NCKAP5: variants seen among roughly 807,000 people sequenced by gnomAD.
NCKAP5 encodes the protein NCK associated protein 5, also known as nck-associated protein 5.
Under a neutral mutation model 167.0 loss-of-function variants are expected in NCKAP5, and 92 were observed. That is an observed-to-expected ratio of 0.55 (90% confidence interval 0.47 to 0.66). NCKAP5 has a LOEUF of 0.66. Among genes scored for constraint, NCKAP5 ranks in the 30% least tolerant of loss-of-function variants. NCKAP5 has a pLI of 0.00. For synonymous variants in NCKAP5, 891 were observed against 877.4 expected (o/e 1.02, Z -0.27); for missense variants, 2,378 against 2,315.0 (o/e 1.03, Z -0.56).
At chr2:132,773,445 C>T (rs189183212) in intron 16 of NCKAP5, among the ~76,000 whole-genome samples, 53 of 152,304 alleles carry the variant, frequency 3.5e-4, no homozygotes, top group Admixed American at 2.2e-3. Flanking sequence ...TTTGCTACTA[C>T]GTGTAAAACA....
intron 5 of NCKAP5, among the ~76,000 whole-genome samples, chr2:133,170,205 T>C (rs2084182804): frequency 6.6e-6 from 1 of 152,126 alleles, no homozygotes; most frequent in Non-Finnish European, 1.5e-5. Flanking sequence ...CTTGTAAGGA[T>C]GGAAGGCAAG....
intron 3 of NCKAP5, among the ~76,000 whole-genome samples, chr2:133,321,325 T>C (rs1055023658): frequency 6.6e-6 from 1 of 152,154 alleles, no homozygotes; most frequent in Non-Finnish European, 1.5e-5. Context: ...ATTCTTGCTT[T>C]ATACCTACTC....
intron 3 of NCKAP5, among the ~76,000 whole-genome samples, chr2:133,345,894 G>A (rs1438282521): frequency 6.6e-6 from 1 of 152,110 alleles, no homozygotes; most frequent in Admixed American, 6.6e-5. Flanking sequence ...GCACAGAGAT[G>A]GAAGATGACT....
intron 4 of NCKAP5, among the ~76,000 whole-genome samples, chr2:133,293,991 G>A (rs1574625190): frequency 6.6e-6 from 1 of 152,118 alleles, no homozygotes; most frequent in Admixed American, 6.6e-5. Flanking sequence ...ACCTCAGCAG[G>A]GTGAATCAGG....
At chr2:133,368,158 C>T (rs956560666) in intron 3 of NCKAP5, among the ~76,000 whole-genome samples, 7 of 152,146 alleles carry the variant, frequency 4.6e-5, no homozygotes, top group African/African-American at 1.7e-4. Context: ...AACACATTTT[C>T]CAAGAAAAGG....
At chr2:133,502,444 T>C (rs1682608007) in intron 3 of NCKAP5, among the ~76,000 whole-genome samples, 2 of 152,250 alleles carry the variant, frequency 1.3e-5, no homozygotes, top group South Asian at 4.1e-4. Flanking sequence ...TTTGATGACT[T>C]TTCTCCTTCC....
intron 8 of NCKAP5, among the ~76,000 whole-genome samples, chr2:132,925,083 T>C (rs181443909): frequency 2.0e-5 from 3 of 152,146 alleles, no homozygotes; most frequent in Admixed American, 2.0e-4. Flanking sequence ...TCAACATTTT[T>C]GGCACCAAGG....
intron 6 of NCKAP5, among the ~76,000 whole-genome samples, chr2:133,006,626 A>T (rs10928439): frequency 0.058 from 7,024 of 121,250 alleles, 359 homozygotes; most frequent in East Asian, 0.38. Context: ...ATTTTATTTT[A>T]TTTTTTTTTT....
At chr2:132,977,969 A>G (rs573295711) in intron 7 of NCKAP5, among the ~76,000 whole-genome samples, 236 of 152,318 alleles carry the variant, frequency 1.5e-3, no homozygotes, top group African/African-American at 5.0e-3. Flanking sequence ...GTACATTCTG[A>G]CAAACCACTC....
chr2:133,287,090 A>C (rs1679200557), intron 4 of NCKAP5, among the ~76,000 whole-genome samples: 1 of 152,224 alleles, frequency 6.6e-6, no homozygotes, highest in South Asian at 2.1e-4. Flanking sequence ...AAGTATGAGA[A>C]ATGCCCTTTC....
At chr2:132,798,543 A>C (rs568288789) in intron 11 of NCKAP5, among the ~76,000 whole-genome samples, 2 of 152,354 alleles carry the variant, frequency 1.3e-5, no homozygotes, top group South Asian at 2.1e-4. Flanking sequence ...TGGATTAGCT[A>C]TCTAAATGAC....
intron 5 of NCKAP5, among the ~76,000 whole-genome samples, chr2:133,174,404 G>C (rs1469571190): frequency 6.6e-6 from 1 of 151,996 alleles, no homozygotes; most frequent in Non-Finnish European, 1.5e-5. Flanking sequence ...TTTTCTCCTT[G>C]TATTTAACAT....
chr2:133,034,260 C>T (rs1051904750), intron 6 of NCKAP5, among the ~76,000 whole-genome samples: 1 of 152,056 alleles, frequency 6.6e-6, no homozygotes, highest in African/African-American at 2.4e-5. Context: ...AATAGTATAT[C>T]CATTGAAAAT....
intron 17 of NCKAP5, 111 bp downstream of exon 17, chr2:132,731,626 C>A: frequency 8.5e-7 from 1 of 1,175,750 alleles, no homozygotes; most frequent in South Asian, 1.6e-5. Flanking sequence ...GGAATTTTCA[C>A]ATATCTACAT....
At chr2:133,378,360 A>G (rs1452701129) in intron 3 of NCKAP5, among the ~76,000 whole-genome samples, 1 of 152,160 alleles carries the variant, frequency 6.6e-6, no homozygotes, top group Non-Finnish European at 1.5e-5. Flanking sequence ...TACTCTCACA[A>G]ATTTTTTTCC....
intron 8 of NCKAP5, chr2:132,930,689 G>A (rs892025732): frequency 6.6e-6 from 1 of 152,294 alleles, no homozygotes. Flanking sequence ...ATTCCCATGT[G>A]AGCCAATTCC....
chr2:133,617,444 C>CT, the NCKAP5 span, among the ~76,000 whole-genome samples: 1 of 146,818 alleles, frequency 6.8e-6, no homozygotes, highest in African/African-American at 2.5e-5. Context: ...TGATAAGCAA[C>CT]TTCAGCAAAG....
At position 132,706,463 on chromosome 2, in the gene NCKAP5, C is replaced by T. The variant is rs556992522; in HGVS notation, c.5713+19164G>A. 3.9e-5 allele frequency among the ~76,000 whole-genome samples: 6 copies of T among 152,298 alleles called. No homozygotes were observed. In the East Asian group the frequency reaches 9.7e-4, roughly 25 times the overall value. On this transcript the variant is annotated intron_variant, in intron 19 of 19. Transcript: ENST00000409261. ...AATGAGAGGCTGTATTGTATAAAGT[C>T]TTAATTCTTCCCTTCTAACCTTCTG...
At chr2:133,303,348 C>T (rs1680537726) in intron 3 of NCKAP5, among the ~76,000 whole-genome samples, 1 of 152,164 alleles carries the variant, frequency 6.6e-6, no homozygotes, top group Admixed American at 6.6e-5. Flanking sequence ...GTCAGCATTA[C>T]AATCCTCTTA....
Sources: gnomAD v4.1 joint callset for allele counts (sites outside exome capture counted in the v4.1 genomes callset) on GRCh38, gnomAD v4.1.1 for gene constraint, MANE v1.5 for transcripts, NCBI Gene and HGNC (gene_info 2026-07-23, HGNC 2026-07-21) for gene names.